The following DUSP22 variants were observed in gnomAD, a reference collection of about 807,000 sequenced individuals.
DUSP22 encodes the protein dual specificity protein phosphatase 22.
DUSP22 carries 24 observed loss-of-function variants against 24.5 expected under a neutral mutation model. The observed-to-expected ratio is 0.98, with a 90% CI of 0.71 to 1.38. DUSP22 has a LOEUF of 1.38. Among genes scored for constraint, DUSP22 ranks in the 40% most tolerant of loss-of-function variants. The pLI, the probability that DUSP22 is intolerant of heterozygous loss-of-function variation, is 0.00. For synonymous variants in DUSP22, 160 were observed against 106.4 expected (o/e 1.50, Z -3.10); for missense variants, 330 against 269.2 (o/e 1.23, Z -1.58).
chr6:314,480 G>A (rs1254178234), intron 3 of DUSP22, among the ~76,000 whole-genome samples: 1 of 152,308 alleles, frequency 6.6e-6, no homozygotes, highest in Non-Finnish European at 1.5e-5. Context: ...ATCTCAATGA[G>A]TTTAAAGCTC....
Position 350,627 on chromosome 6 carries a change from C to T in DUSP22, c.*1676C>T, listed in dbSNP as rs1166946403. On this transcript the variant is annotated 3_prime_UTR_variant, in exon 7 of 7. Transcript: ENST00000419235. The stretch of plus-strand genomic sequence containing the variant: ...GAGTGTGGCTGTAGAATCATCCATC[C>T]GTCTACAGCTAAAACAATTTGCCAA... 29 of 1,459,488 alleles carry T rather than the reference C, an allele frequency of 2.0e-5. No homozygotes were observed. The highest frequency in any genetic ancestry group is 2.0e-4 in the Middle Eastern group (1 of 5,026). 90.4% of individuals were successfully genotyped at this position (1,459,488 alleles called of 1,614,324 possible).
chr6:323,186 T>C (rs1435697485), intron 3 of DUSP22, among the ~76,000 whole-genome samples: 1 of 152,304 alleles, frequency 6.6e-6, no homozygotes, highest in African/African-American at 2.4e-5. Context: ...CTTTTAAAAA[T>C]GTGTTCCCCT....
intron 4 of DUSP22, among the ~76,000 whole-genome samples, chr6:345,376 A>T (rs1407230262): frequency 6.6e-6 from 1 of 152,252 alleles, no homozygotes; most frequent in Non-Finnish European, 1.5e-5. Flanking sequence ...CACCCAGCTA[A>T]TTTTTGTATT....
chr6:320,640 T>G (rs1758543009), intron 3 of DUSP22, among the ~76,000 whole-genome samples: 1 of 152,286 alleles, frequency 6.6e-6, no homozygotes, highest in Non-Finnish European at 1.5e-5. Flanking sequence ...GCTGGGAGAT[T>G]TGGGGAAGAC....
intron 2 of DUSP22, among the ~76,000 whole-genome samples, chr6:309,201 T>C (rs1360087647): frequency 6.6e-6 from 1 of 152,310 alleles, no homozygotes; most frequent in African/African-American, 2.4e-5. Context: ...CTCTCATCCA[T>C]AGCAGGTGGC....
intron 1 of DUSP22, among the ~76,000 whole-genome samples, chr6:294,149 C>T (rs1298246647): frequency 2.0e-5 from 3 of 152,290 alleles, no homozygotes; most frequent in African/African-American, 7.2e-5. Context: ...ACGTTATTTT[C>T]ATGCTTTTCA....
At chr6:294,360 G>A (rs75997832) in intron 1 of DUSP22, among the ~76,000 whole-genome samples, 2,804 of 151,822 alleles carry the variant, frequency 0.018, 11 homozygotes, top group Middle Eastern at 0.045. Flanking sequence ...GGTGGGGAGG[G>A]GGCAAAGGGA....
chr6:307,070 T>G (rs1404385772), intron 2 of DUSP22, among the ~76,000 whole-genome samples: 1 of 152,300 alleles, frequency 6.6e-6, no homozygotes, highest in Non-Finnish European at 1.5e-5. Context: ...CTGGCAAGGG[T>G]GGAAACCCAA....
intron 2 of DUSP22, among the ~76,000 whole-genome samples, chr6:311,037 A>C (rs1237496460): frequency 6.6e-6 from 1 of 152,306 alleles, no homozygotes; most frequent in African/African-American, 2.4e-5. Flanking sequence ...TGCCCCGGAG[A>C]GTAAAATAGG....
At chr6:346,539 A>C (rs1232551727) in intron 5 of DUSP22, among the ~76,000 whole-genome samples, 1 of 152,306 alleles carries the variant, frequency 6.6e-6, no homozygotes, top group Non-Finnish European at 1.5e-5. Context: ...GCACATAGAG[A>C]GTTCTTAGTG....
In DUSP22 at chr6:350,194, G is replaced by T; in HGVS notation, c.*1243G>T. Reference sequence around the variant, plus strand: ...GATTGCTTTTGAAACCAAAGGGGAAGGTACCGATATCATTGAGCTATTTAA... The same window carrying T: ...GATTGCTTTTGAAACCAAAGGGGAATGTACCGATATCATTGAGCTATTTAA... On this transcript the variant is annotated 3_prime_UTR_variant, in exon 7 of 7. Transcript: ENST00000419235. The T allele has an allele frequency of 1.2e-5, 12 of 986,354 alleles. No individual in the cohort carries two copies. The highest frequency in any genetic ancestry group is 1.4e-5 in the Non-Finnish European group (12 of 830,574). The allele number at this position is 986,354 out of a possible 1,614,324, so 61.1% of individuals were successfully genotyped here.
chr6:332,644 C>CTTTTTTTTTTTTTTTTTTTTTTTTT (rs3053546), intron 3 of DUSP22, among the ~76,000 whole-genome samples: 2 of 148,066 alleles, frequency 1.4e-5, no homozygotes, highest in Admixed American at 6.7e-5. Flanking sequence ...TCCTGTCCTT[C>CTTTTTTTTTTTTTTTTTTTTTTTTT]TTTTTTTTTT....
At chr6:304,285 T>G (rs1169049315) in intron 1 of DUSP22, among the ~76,000 whole-genome samples, 2 of 152,300 alleles carry the variant, frequency 1.3e-5, no homozygotes, top group Non-Finnish European at 2.9e-5. Context: ...AGTGGCCTCG[T>G]GCAGCAGAGT....
chr6:324,865 C>T (rs528272018), intron 3 of DUSP22, among the ~76,000 whole-genome samples: 7 of 152,420 alleles, frequency 4.6e-5, no homozygotes, highest in East Asian at 1.9e-4. Flanking sequence ...CCATCACCAG[C>T]GAGGGGCTCC....
chr6:294,121 T>C (rs535534934), intron 1 of DUSP22, among the ~76,000 whole-genome samples: 143 of 152,368 alleles, frequency 9.4e-4, no homozygotes, highest in African/African-American at 3.2e-3. Flanking sequence ...GGAATACAGA[T>C]GGTTGCCTAA....
chr6:338,426 C>T (rs541194972), intron 4 of DUSP22, among the ~76,000 whole-genome samples: 1 of 152,414 alleles, frequency 6.6e-6, no homozygotes, highest in South Asian at 2.1e-4. Context: ...AGTTGGCAGG[C>T]AGAACACCTA....
intron 6 of DUSP22, chr6:348,496 G>A: frequency 3.5e-6 from 3 of 865,778 alleles, no homozygotes; most frequent in Non-Finnish European, 5.2e-6. Flanking sequence ...CCTTGTGCCT[G>A]GTACTCCCTA....
chr6:346,024 C>T lies in DUSP22; in HGVS notation c.263+96C>T. On this transcript the variant is annotated intron_variant, in intron 5 of 6. Transcript: ENST00000419235. ...CCGTGTGTGAATAATGGTTTCACCT[C>T]CTAATAGTTTTCTGTAAACCCTGAC... The T allele has an allele frequency of 4.1e-6, 6 of 1,472,928 alleles. No homozygotes were observed. In the South Asian group the frequency reaches 5.8e-5, roughly 14 times the overall value. The allele number at this position is 1,472,928 out of a possible 1,614,324, so 91.2% of individuals were successfully genotyped here.
At chr6:308,311 GATTC>G (rs1245626599) in intron 2 of DUSP22, among the ~76,000 whole-genome samples, 4 of 152,308 alleles carry the variant, frequency 2.6e-5, no homozygotes, top group Non-Finnish European at 4.4e-5. Context: ...CTTACAGCTG[GATTC>G]CCAGCTCATT....
Sources: gnomAD v4.1 joint callset for allele counts (sites outside exome capture counted in the v4.1 genomes callset) on GRCh38, gnomAD v4.1.1 for gene constraint, MANE v1.5 for transcripts, NCBI Gene and HGNC (gene_info 2026-07-23, HGNC 2026-07-21) for gene names.